The following TMEM132D variants were observed in gnomAD, a reference collection of about 807,000 sequenced individuals.
TMEM132D encodes the protein transmembrane protein 132D, also known as mature OL transmembrane protein.
A neutral mutation model predicts 62.3 loss-of-function variants in TMEM132D; 21 were observed. The observed-to-expected ratio is 0.34, with a 90% CI of 0.24 to 0.49. The LOEUF (loss-of-function observed/expected upper bound fraction) is 0.49. TMEM132D is among the 20% of genes least tolerant of loss of function. The pLI, the probability that TMEM132D is intolerant of heterozygous loss-of-function variation, is 0.99. For missense variants in TMEM132D, 1,346 were observed against 1,402.8 expected (o/e 0.96, Z 0.65); for synonymous variants, 621 against 575.6 (o/e 1.08, Z -1.13).
chr12:129,618,391 C>A (rs1474314154), intron 2 of TMEM132D, among the ~76,000 whole-genome samples: 1 of 152,184 alleles, frequency 6.6e-6, no homozygotes, highest in Non-Finnish European at 1.5e-5. Context: ...TATTCTCTGA[C>A]AAAATTTACC....
intron 1 of TMEM132D, among the ~76,000 whole-genome samples, chr12:129,740,491 T>C (rs1452921819): frequency 2.0e-5 from 3 of 152,206 alleles, no homozygotes; most frequent in South Asian, 2.1e-4. Context: ...AATATTATTC[T>C]TCTCTCATGA....
At chr12:129,619,521 G>T (rs944288174) in intron 2 of TMEM132D, among the ~76,000 whole-genome samples, 6 of 152,150 alleles carry the variant, frequency 3.9e-5, no homozygotes, top group African/African-American at 1.4e-4. Context: ...CTATTCCTAA[G>T]GGATTCATTT....
chr12:129,471,722 G>T (rs1240224173), intron 3 of TMEM132D, among the ~76,000 whole-genome samples: 1 of 152,214 alleles, frequency 6.6e-6, no homozygotes, highest in Non-Finnish European at 1.5e-5. Flanking sequence ...ACCAAGCTGT[G>T]AATGCAAAGG....
At chr12:129,192,653 C>T (rs759700295) in intron 5 of TMEM132D, among the ~76,000 whole-genome samples, 1 of 152,160 alleles carries the variant, frequency 6.6e-6, no homozygotes. Flanking sequence ...TCTCTTGTAT[C>T]AGAGGACAGG....
At chr12:129,824,814 C>T (rs562201247) in intron 1 of TMEM132D, among the ~76,000 whole-genome samples, 2 of 152,220 alleles carry the variant, frequency 1.3e-5, no homozygotes, top group Admixed American at 6.5e-5. Context: ...TTTGAAGGTC[C>T]GGATGGGTAA....
intron 1 of TMEM132D, among the ~76,000 whole-genome samples, chr12:129,757,868 CTCT>C (rs1870221404): frequency 6.6e-6 from 1 of 152,126 alleles, no homozygotes; most frequent in African/African-American, 2.4e-5. Flanking sequence ...GCTCTACCCT[CTCT>C]ATGTCTGCCA....
At chr12:129,209,759 C>A in intron 4 of TMEM132D, 96 bp from the exon 5 acceptor site, 1 of 1,513,952 alleles carries the variant, frequency 6.6e-7, no homozygotes, top group South Asian at 1.2e-5. Flanking sequence ...TCCCTGCAAA[C>A]AGCACTGGCC....
chr12:129,316,239 A>G (rs1326400663), intron 4 of TMEM132D, among the ~76,000 whole-genome samples: 1 of 152,028 alleles, frequency 6.6e-6, no homozygotes, highest in Non-Finnish European at 1.5e-5. Flanking sequence ...TGACCTTAAA[A>G]TGTCAGTTTG....
chr12:129,565,637 C>G (rs1877348374), intron 2 of TMEM132D, among the ~76,000 whole-genome samples: 1 of 152,096 alleles, frequency 6.6e-6, no homozygotes, highest in Admixed American at 6.5e-5. Context: ...TTTCCAGCAG[C>G]CCATTCTGCC....
Position 129,779,902 on chromosome 12 carries a change from A to G in TMEM132D, c.80-79204T>C, listed in dbSNP as rs375143166. On this transcript the variant is annotated intron_variant, in intron 1 of 8. Coordinates refer to ENST00000422113, the MANE Select transcript of TMEM132D (RefSeq NM_133448.3). The surrounding 1 kb of genome is among the most constrained non-coding windows in gnomAD (Gnocchi z 4.1). ...GTGAAGCACATTACTATTTTTACCA[A>G]CGTGCTTTTACGCATTGACTCCAGA... Among the ~76,000 whole-genome samples, 1 of 152,054 alleles carries G rather than the reference A, an allele frequency of 6.6e-6. No homozygotes were observed. The highest frequency in any genetic ancestry group is 1.5e-5 in the Non-Finnish European group (1 of 68,010).
chr12:129,310,817 T>C (rs950553066), intron 4 of TMEM132D, among the ~76,000 whole-genome samples: 2 of 152,140 alleles, frequency 1.3e-5, no homozygotes, highest in Admixed American at 6.5e-5. Context: ...CCAAGCCTTT[T>C]AAAGTGAGCT....
intron 2 of TMEM132D, among the ~76,000 whole-genome samples, chr12:129,660,942 C>T (rs1166821882): frequency 2.0e-5 from 3 of 152,202 alleles, no homozygotes; most frequent in Non-Finnish European, 4.4e-5. Flanking sequence ...CTCAAATGCA[C>T]TCCCAGTAAC....
chr12:129,253,082 C>T (rs1329214370), intron 4 of TMEM132D, among the ~76,000 whole-genome samples: 4 of 150,910 alleles, frequency 2.7e-5, no homozygotes, highest in Non-Finnish European at 5.9e-5. Flanking sequence ...AGGAGATATA[C>T]CCAATGCTAA....
intron 1 of TMEM132D, among the ~76,000 whole-genome samples, chr12:129,736,304 T>C (rs58643772): frequency 0.029 from 4,458 of 152,304 alleles, 210 homozygotes; most frequent in African/African-American, 0.1. Flanking sequence ...TGGTTTCACA[T>C]AAACAGAAGT....
intron 1 of TMEM132D, among the ~76,000 whole-genome samples, chr12:129,772,435 G>A (rs1870785000): frequency 6.6e-6 from 1 of 152,128 alleles, no homozygotes; most frequent in African/African-American, 2.4e-5. Flanking sequence ...GGGGGGAAAA[G>A]TTGCATATTT....
chr12:129,790,593 A>G (rs2398484), intron 1 of TMEM132D, among the ~76,000 whole-genome samples: 143,368 of 152,206 alleles, frequency 0.94, 68,094 homozygotes, highest in East Asian at 1. Flanking sequence ...GCTCTCCATA[A>G]GTGGAGCCTG....
chr12:129,287,808 G>A (rs897611593), intron 4 of TMEM132D, among the ~76,000 whole-genome samples: 15 of 152,130 alleles, frequency 9.9e-5, no homozygotes, highest in South Asian at 2.1e-4. Flanking sequence ...GAGACTATCC[G>A]TTTCCCACTG....
chr12:129,162,933 T>G (rs962785326), intron 5 of TMEM132D, among the ~76,000 whole-genome samples: 1 of 152,188 alleles, frequency 6.6e-6, no homozygotes, highest in Non-Finnish European at 1.5e-5. Context: ...GCTAGCACAG[T>G]CATCCCCCCA....
chr12:129,142,124 CATAA>C (rs1189914641), intron 5 of TMEM132D, among the ~76,000 whole-genome samples: 1 of 151,802 alleles, frequency 6.6e-6, no homozygotes, highest in Non-Finnish European at 1.5e-5. Flanking sequence ...AAAGGTTGGC[CATAA>C]ATAATGAATC....
Sources: allele counts gnomAD v4.1 joint callset (sites outside exome capture counted in the v4.1 genomes callset), GRCh38; gene constraint gnomAD v4.1.1; non-coding constraint Gnocchi (gnomAD v3.1); transcripts MANE v1.5; gene names NCBI Gene and HGNC (gene_info 2026-07-23, HGNC 2026-07-21).